Variants in ISL1 observed in about 807,000 individuals in gnomAD.
ISL1 encodes insulin gene enhancer protein ISL-1.
ISL1 carries 4 observed loss-of-function variants against 35.3 expected under a neutral mutation model. The observed-to-expected ratio is 0.11, with a 90% CI of 0.06 to 0.26. ISL1 has a LOEUF of 0.26. Among genes scored for constraint, ISL1 ranks in the 10% least tolerant of loss-of-function variants. The probability of loss-of-function intolerance (pLI) is 1.00; values close to 1 mark genes in which losing one functional copy is unlikely to be tolerated. For synonymous variants in ISL1, 186 were observed against 172.3 expected, an observed-to-expected ratio of 1.08 and a Z score of -0.62; for missense variants, 340 against 472.8, an observed-to-expected ratio of 0.72 and a Z score of 2.60.
In ISL1 at chr5:51,394,616, A is replaced by G. The variant is rs1163842146; in HGVS notation, c.*1006A>G. 1 of 152,620 alleles carries G rather than the reference A, an allele frequency of 6.6e-6. No homozygotes were observed. The highest frequency in any genetic ancestry group is 2.1e-4 in the South Asian group (1 of 4,834). The allele number at this position is 152,620 out of a possible 1,614,324, so 9.5% of individuals were successfully genotyped here. ...CGGTGGTCTTTGAATTATATGTCTA[A>G]TTCTATGTGTTTTGTCTTTTTCTTA... On this transcript the variant is annotated 3_prime_UTR_variant, in exon 6 of 6. Coordinates refer to ENST00000230658, the MANE Select transcript of ISL1 (RefSeq NM_002202.3).
chr5:51,393,802 T>C lies in ISL1; in HGVS notation c.*192T>C, dbSNP rs1471440392. On this transcript the variant is annotated 3_prime_UTR_variant, in exon 6 of 6. Coordinates refer to ENST00000230658, the MANE Select transcript of ISL1 (RefSeq NM_002202.3). ...CAACACTGTGAAGACAATCATGGGATTTTACTAGAATTAAACAACAAACAA... is the reference window on the plus strand; with the variant it reads ...CAACACTGTGAAGACAATCATGGGACTTTACTAGAATTAAACAACAAACAA... 1 of 625,566 alleles carries C rather than the reference T, an allele frequency of 1.6e-6. No individual in the cohort carries two copies. Among genetic ancestry groups the C allele is most frequent in the Non-Finnish European group, 2.9e-6 (1 of 348,562 alleles). The allele number at this position is 625,566 out of a possible 1,614,324, so 38.8% of individuals were successfully genotyped here. A position where few individuals can be genotyped will look rare whatever the true frequency, so the allele number is the denominator to read the frequency against.
chr5:51,383,460 G>T lies in ISL1; in HGVS notation c.-212G>T, dbSNP rs1051130299. On this transcript the variant is annotated 5_prime_UTR_variant, in exon 1 of 6. Transcript: ENST00000230658. ...CCCGAGCCGCGCCGAGTCTGCCGCC[G>T]CCGCAGCGCCTCCGCTCCGCCAACT... The T allele has an allele frequency of 3.1e-5, 19 of 617,646 alleles. No homozygotes were observed. The highest frequency in any genetic ancestry group is 5.5e-5 in the Non-Finnish European group (19 of 345,860). 38.3% of individuals were successfully genotyped at this position (617,646 alleles called of 1,614,324 possible). A position where few individuals can be genotyped will look rare whatever the true frequency, so the allele number is the denominator to read the frequency against.
chr5:51,384,427 G>T, intron 1 of ISL1, 114 bp from the exon 2 acceptor site: 29 of 786,294 alleles, frequency 3.7e-5, no homozygotes, highest in East Asian at 5.6e-5. Context: ...AAGAAAGAAA[G>T]AAAGAAAGAA....
intron 5 of ISL1, 122 bp from the exon 6 acceptor site, chr5:51,393,372 A>G: frequency 4.2e-6 from 3 of 721,338 alleles, no homozygotes; most frequent in Admixed American, 2.0e-5. Flanking sequence ...TCAGTTATCT[A>G]TGTGAATATC....
In ISL1 at chr5:51,393,684, G is replaced by T; in HGVS notation, c.*74G>T. The T allele has an allele frequency of 3.3e-6, 3 of 915,630 alleles. No homozygotes were observed. The highest frequency in any genetic ancestry group is 1.8e-6 in the Non-Finnish European group (1 of 544,266). 56.7% of individuals were successfully genotyped at this position (915,630 alleles called of 1,614,324 possible). A position where few individuals can be genotyped will look rare whatever the true frequency, so the allele number is the denominator to read the frequency against. ...TATAATGTCGAACTCTGAAACAAAA[G>T]TATTTAACGACCCAGTCAATGAAAA... On this transcript the variant is annotated 3_prime_UTR_variant, in exon 6 of 6. Transcript: ENST00000230658.
chr5:51,386,370 TCAA>T (rs1747341371), intron 2 of ISL1: 2 of 300,154 alleles, frequency 6.7e-6, no homozygotes, highest in Admixed American at 8.9e-5. Context: ...TCACTCTCTC[TCAA>T]CTCTGTGTGT....
At position 51,387,423 on chromosome 5, in the gene ISL1, G is replaced by A. The variant is rs1747370520; in HGVS notation, c.219-67G>A. ...TGGGCCAGGGAAGTGCCGGCCTGAAGTGACCCCCTCTTCCTGTACTTCTCT... is the reference window on the plus strand; with the variant it reads ...TGGGCCAGGGAAGTGCCGGCCTGAAATGACCCCCTCTTCCTGTACTTCTCT... On this transcript the variant is annotated intron_variant, in intron 2 of 5. Coordinates refer to ENST00000230658, the MANE Select transcript of ISL1 (RefSeq NM_002202.3). This position sits in a 1 kb window ranked among gnomAD's most constrained non-coding sequence, Gnocchi z 4.3. 3 of 1,565,660 alleles carry A rather than the reference G, an allele frequency of 1.9e-6. No homozygotes were observed. Among genetic ancestry groups the A allele is most frequent in the Non-Finnish European group, 2.6e-6 (3 of 1,144,876 alleles).
At position 51,390,228 on chromosome 5, in the gene ISL1, G is replaced by A. The variant is rs113256352; in HGVS notation, c.765+296G>A. On this transcript the variant is annotated intron_variant, in intron 4 of 5. Transcript: ENST00000230658. The stretch of plus-strand genomic sequence containing the variant: ...TCCACCTCGCCTGTACCTGTGAACC[G>A]GAGAAACGCCGTCCTCCCCTCTGAG... 9.7e-3 allele frequency among the ~76,000 whole-genome samples: 1,477 copies of A among 152,286 alleles called. 23 individuals are homozygous for A. The highest frequency in any genetic ancestry group is 0.034 in the African/African-American group (1,407 of 41,556).
rs1257470762 is a variant in ISL1, at chr5:51,387,130, A to C, written c.219-360A>C. ...ATCTGCAAGATCAACACTGGGATTG[A>C]TTGCTAGAGCAGCAGCCCGAGTTTG... On this transcript the variant is annotated intron_variant, in intron 2 of 5. Transcript: ENST00000230658. This position sits in a 1 kb window ranked among gnomAD's most constrained non-coding sequence, Gnocchi z 4.3. 1.3e-5 allele frequency among the ~76,000 whole-genome samples: 2 copies of C among 152,128 alleles called. No homozygotes were observed. The highest frequency in any genetic ancestry group is 2.9e-5 in the Non-Finnish European group (2 of 68,044).
chr5:51,389,986 G>T lies in ISL1; in HGVS notation c.765+54G>T, dbSNP rs1747450226. On this transcript the variant is annotated intron_variant, in intron 4 of 5. Coordinates refer to ENST00000230658, the MANE Select transcript of ISL1 (RefSeq NM_002202.3). This position sits in a 1 kb window ranked among gnomAD's most constrained non-coding sequence, Gnocchi z 5.0. ...TGCGAGGGGGAAGGAGACGCAGCGTGCGAGGTGCGTTCCTGGTACGCAGGA... is the reference window on the plus strand; with the variant it reads ...TGCGAGGGGGAAGGAGACGCAGCGTTCGAGGTGCGTTCCTGGTACGCAGGA... 2 of 1,587,642 alleles carry T rather than the reference G, an allele frequency of 1.3e-6. No individual in the cohort carries two copies. The highest frequency in any genetic ancestry group is 1.7e-6 in the Non-Finnish European group (2 of 1,160,896).
At chr5:51,392,428 C>G (rs1377921664) in intron 5 of ISL1, among the ~76,000 whole-genome samples, 1 of 151,812 alleles carries the variant, frequency 6.6e-6, no homozygotes, top group Non-Finnish European at 1.5e-5. Flanking sequence ...AGCTTTTTAC[C>G]CTCATATTTA....
chr5:51,392,477 T>C (rs918557150), intron 5 of ISL1, among the ~76,000 whole-genome samples: 7 of 152,184 alleles, frequency 4.6e-5, no homozygotes. Context: ...AACAGTTAGG[T>C]AATTGGCCAG....
At chr5:51,392,648 T>A (rs1399056562) in intron 5 of ISL1, among the ~76,000 whole-genome samples, 1 of 152,208 alleles carries the variant, frequency 6.6e-6, no homozygotes, top group African/African-American at 2.4e-5. Flanking sequence ...CTCATTAATC[T>A]GTTGAGTTAT....
In ISL1 at chr5:51,393,772, G is replaced by A; in HGVS notation, c.*162G>A. ...GTCTGTTTTAATGACAAGGTGATAT[G>A]GTAGCAACACTGTGAAGACAATCAT... On this transcript the variant is annotated 3_prime_UTR_variant, in exon 6 of 6. Coordinates refer to ENST00000230658, the MANE Select transcript of ISL1 (RefSeq NM_002202.3). 1 of 674,600 alleles carries A rather than the reference G, an allele frequency of 1.5e-6. No individual in the cohort carries two copies. The highest frequency in any genetic ancestry group is 2.1e-5 in the Admixed American group (1 of 47,746). The allele number at this position is 674,600 out of a possible 1,614,324, so 41.8% of individuals were successfully genotyped here. A position where few individuals can be genotyped will look rare whatever the true frequency, so the allele number is the denominator to read the frequency against.
chr5:51,393,350 G>A, intron 5 of ISL1, 144 bp from the exon 6 acceptor site: 1 of 685,572 alleles, frequency 1.5e-6, no homozygotes, highest in Middle Eastern at 3.4e-4. Context: ...CTTTCTCTAA[G>A]CCTGTTAAAA....
At chr5:51,388,408 A>G (rs1747406015) in intron 3 of ISL1, among the ~76,000 whole-genome samples, 1 of 152,126 alleles carries the variant, frequency 6.6e-6, no homozygotes, top group African/African-American at 2.4e-5. Flanking sequence ...CATTCATTCT[A>G]TATGATTTGG....
rs745592537 is a variant in ISL1 at position 51,393,589 on chromosome 5, A to G, written c.1029A>G (p.Val343=). ...TTCCAGATACACCTAACAGCATGGTAGCCAGTCCTATTGAGGCATGAGGAA... is the reference window on the plus strand; with the variant it reads ...TTCCAGATACACCTAACAGCATGGTGGCCAGTCCTATTGAGGCATGAGGAA... ...SQLPDTPNSM[V]ASPIEA is the part of the protein sequence containing the mutation. Residue 343 remains valine, a synonymous_variant, in exon 6 of 6, where the codon GTA becomes GTG. Coordinates refer to ENST00000230658, the MANE Select transcript of ISL1 (RefSeq NM_002202.3). The G allele has an allele frequency of 1.0e-5, 16 of 1,605,484 alleles. No individual in the cohort carries two copies. The highest frequency in any genetic ancestry group is 1.7e-5 in the Admixed American group (1 of 60,014).
chr5:51,387,224 A>G lies in ISL1; in HGVS notation c.219-266A>G, dbSNP rs901144825. ...AGCTAAGAGTTACCAACTAAGACAG[A>G]GGTTCATCGGAAAGGAAACGGGAGT... On this transcript the variant is annotated intron_variant, in intron 2 of 5. Coordinates refer to ENST00000230658, the MANE Select transcript of ISL1 (RefSeq NM_002202.3). The surrounding 1 kb of genome is among the most constrained non-coding windows in gnomAD (Gnocchi z 4.3). Among the ~76,000 whole-genome samples the G allele has an allele frequency of 7.9e-5, 12 of 151,938 alleles. No homozygotes were observed. The highest frequency in any genetic ancestry group is 2.9e-4 in the African/African-American group (12 of 41,356).
chr5:51,392,783 A>C (rs1747548836), intron 5 of ISL1, among the ~76,000 whole-genome samples: 1 of 152,186 alleles, frequency 6.6e-6, no homozygotes, highest in African/African-American at 2.4e-5. Flanking sequence ...AGGAGTGGGC[A>C]TAGTTAGAGA....
Sources: allele counts gnomAD v4.1 joint callset (sites outside exome capture counted in the v4.1 genomes callset), GRCh38; gene constraint gnomAD v4.1.1; non-coding constraint Gnocchi (gnomAD v3.1); transcripts MANE v1.5; gene names NCBI Gene and HGNC (gene_info 2026-07-23, HGNC 2026-07-21).